The following APOL5 variants were observed in gnomAD, a reference collection of about 807,000 sequenced individuals.
APOL5 encodes apolipoprotein L5.
In APOL5, 29 loss-of-function variants were observed where a neutral mutation model predicts 35.5. The observed-to-expected ratio is 0.82, with a 90% CI of 0.61 to 1.11. The LOEUF is 1.11. APOL5 is among the 50% of genes most tolerant of loss of function. The pLI, the probability that APOL5 is intolerant of heterozygous loss-of-function variation, is 0.00. For missense variants in APOL5, 514 were observed against 530.4 expected, an observed-to-expected ratio of 0.97 and a Z score of 0.30; for synonymous variants, 188 against 200.2, an observed-to-expected ratio of 0.94 and a Z score of 0.51.
chr22:35,721,780 C>G (rs535033455), intron 2 of APOL5, among the ~76,000 whole-genome samples: 17 of 152,302 alleles, frequency 1.1e-4, no homozygotes, highest in African/African-American at 4.1e-4. Flanking sequence ...CCTGGGCATT[C>G]AGACTCTCCC....
upstream of APOL5, among the ~76,000 whole-genome samples, chr22:35,714,707 T>A (rs528240537): frequency 1.8e-3 from 272 of 152,324 alleles, 11 homozygotes; most frequent in South Asian, 0.053. Flanking sequence ...GGTGTCCGAC[T>A]GAGAAGAGTT....
rs182025787 is a variant in APOL5, at chr22:35,724,117, A to G, written c.143-2094A>G. Among the ~76,000 whole-genome samples, 87 of 152,276 alleles carry G rather than the reference A, an allele frequency of 5.7e-4. 1 individual carries two copies. The Middle Eastern group carries it at 0.014, about 24-fold the overall frequency. ...TAGACTCTTTTACTAATTTTTAAAA[A>G]TTATCATACATGCATTTGACACAAA... On this transcript the variant is annotated intron_variant, in intron 2 of 4. Transcript: ENST00000249044.
At chr22:35,722,556 C>T (rs546695141) in intron 2 of APOL5, among the ~76,000 whole-genome samples, 1 of 152,314 alleles carries the variant, frequency 6.6e-6, no homozygotes, top group East Asian at 1.9e-4. Flanking sequence ...CTGCCTAGGC[C>T]TCCCAAAGTG....
chr22:35,728,621 C>T, intron 3 of APOL5, 102 bp from the exon 4 acceptor site: 1 of 1,361,786 alleles, frequency 7.3e-7, no homozygotes, highest in Non-Finnish European at 1.0e-6. Flanking sequence ...CTTCTCAAAG[C>T]CAATAGAAAT....
chr22:35,726,081 G>T (rs909908351), intron 2 of APOL5, 130 bp from the exon 3 acceptor site: 2 of 1,014,446 alleles, frequency 2.0e-6, no homozygotes, highest in African/African-American at 3.2e-5. Flanking sequence ...GGTTAGGTCA[G>T]ACCCCTTTCA....
upstream of APOL5, among the ~76,000 whole-genome samples, chr22:35,713,249 G>A (rs531406617): frequency 1.1e-4 from 16 of 152,238 alleles, no homozygotes; most frequent in African/African-American, 3.9e-4. Flanking sequence ...GTTGCTTATG[G>A]GTAATTTTTG....
chr22:35,726,404 G>T lies in APOL5; in HGVS notation c.336G>T (p.Glu112Asp), dbSNP rs772404275. 12 of 1,614,122 alleles carry T rather than the reference G, an allele frequency of 7.4e-6. No homozygotes were observed. The highest frequency in any genetic ancestry group is 2.2e-5 in the East Asian group (1 of 44,886). The stretch of plus-strand genomic sequence containing the variant: ...CATATTTTCCTTTGCACAAGTTTGA[G>T]CTAGAACAGAACATCAAAGAACTTA... ...FLSYFPLHKF[E>D]LEQNIKELNT... is the part of the protein sequence containing the mutation. The change falls in exon 3 of 5, where the codon GAG (glutamate) becomes GAT (aspartate). Residue 112 changes from glutamate to aspartate, a missense_variant. Transcript: ENST00000249044.
At chr22:35,713,760 A>T (rs1412969802), upstream of APOL5, among the ~76,000 whole-genome samples, 1 of 151,994 alleles carries the variant, frequency 6.6e-6, no homozygotes, top group Non-Finnish European at 1.5e-5. Context: ...CTGTTCAGTA[A>T]ATTCTCTTGA....
chr22:35,728,691 A>G, intron 3 of APOL5, 32 bp from the exon 4 acceptor site: 1 of 1,594,682 alleles, frequency 6.3e-7, no homozygotes, highest in South Asian at 1.2e-5. Flanking sequence ...CTTTCTTGGA[A>G]GTTGTAAGAC....
At chr22:35,708,891 C>A in the APOL5 span, among the ~76,000 whole-genome samples, 3 of 152,306 alleles carry the variant, frequency 2.0e-5, no homozygotes, top group East Asian at 5.8e-4. Context: ...CGAGAGGTAG[C>A]TACCCTGCGC....
chr22:35,710,113 CTTTTTTTTTT>C, the APOL5 span, among the ~76,000 whole-genome samples: 170 of 86,702 alleles, frequency 2.0e-3, 1 homozygote, highest in Non-Finnish European at 3.1e-3. Flanking sequence ...CTTTCTTTCT[CTTTTTTTTTT>C]TTTTTTTTTT....
the APOL5 span, among the ~76,000 whole-genome samples, chr22:35,710,114 T>C: frequency 1.2e-5 from 1 of 83,136 alleles, no homozygotes; most frequent in Non-Finnish European, 2.1e-5. Context: ...TTTCTTTCTC[T>C]TTTTTTTTTT....
the APOL5 span, among the ~76,000 whole-genome samples, chr22:35,710,498 T>TAC: frequency 2.7e-5 from 4 of 150,510 alleles, no homozygotes; most frequent in East Asian, 1.9e-4. Flanking sequence ...CATATATATG[T>TAC]ACACACACAC....
chr22:35,722,157 A>G (rs563978773), intron 2 of APOL5, among the ~76,000 whole-genome samples: 44 of 152,258 alleles, frequency 2.9e-4, no homozygotes, highest in African/African-American at 9.9e-4. Context: ...CGTGTCCTTG[A>G]CTTTGGCTAC....
the APOL5 span, among the ~76,000 whole-genome samples, chr22:35,711,675 C>G: frequency 7.0e-6 from 1 of 142,962 alleles, no homozygotes; most frequent in Non-Finnish European, 1.5e-5. Flanking sequence ...TTCCTCCCTT[C>G]CTTTCTTCCT....
intron 2 of APOL5, 47 bp downstream of exon 2, chr22:35,720,701 A>G: frequency 2.2e-6 from 3 of 1,354,596 alleles, no homozygotes; most frequent in Non-Finnish European, 3.2e-6. Context: ...CAATCCCAGC[A>G]TCCAAAACAG....
the APOL5 span, among the ~76,000 whole-genome samples, chr22:35,711,933 C>A: frequency 1.3e-5 from 2 of 152,068 alleles, no homozygotes; most frequent in Non-Finnish European, 2.9e-5. Flanking sequence ...CCTCAACCTC[C>A]TAAAGTGTTG....
At chr22:35,725,289 G>C (rs1335146499) in intron 2 of APOL5, among the ~76,000 whole-genome samples, 1 of 151,952 alleles carries the variant, frequency 6.6e-6, no homozygotes, top group Non-Finnish European at 1.5e-5. Context: ...TTTTTTAGAT[G>C]AACTCTTGCT....
At chr22:35,717,235 A>AAAAAAAAAAAAAAAAAAAATAT, upstream of APOL5, among the ~76,000 whole-genome samples, 1 of 57,662 alleles carries the variant, frequency 1.7e-5, no homozygotes, top group South Asian at 1.1e-3. Flanking sequence ...AAAAAAAAAA[A>AAAAAAAAAAAAAAAAAAAATAT]ATATATATAT....
Sources: gnomAD v4.1 joint callset for allele counts (sites outside exome capture counted in the v4.1 genomes callset) on GRCh38, gnomAD v4.1.1 for gene constraint, MANE v1.5 for transcripts, NCBI Gene and HGNC (gene_info 2026-07-23, HGNC 2026-07-21) for gene names.